PTPRN2: variants seen among roughly 807,000 people sequenced by gnomAD.
The protein encoded by PTPRN2 is protein tyrosine phosphatase receptor type N2.
In PTPRN2, 74 loss-of-function variants were observed where a neutral mutation model predicts 118.8. The observed-to-expected ratio is 0.62, with a 90% CI of 0.52 to 0.76. PTPRN2 has a LOEUF of 0.76. Among genes scored for constraint, PTPRN2 ranks in the 30% least tolerant of loss-of-function variants. PTPRN2 has a pLI of 0.00. For missense variants in PTPRN2, 1,481 were observed against 1,394.4 expected (o/e 1.06, Z -0.99); for synonymous variants, 641 against 608.0 (o/e 1.05, Z -0.80).
chr7:158,088,279 A>G (rs573243055), intron 10 of PTPRN2, among the ~76,000 whole-genome samples: 15 of 32,902 alleles, frequency 4.6e-4, no homozygotes, highest in East Asian at 9.8e-3. Context: ...CCCTGATGAA[A>G]GAGGGAGTCT....
At chr7:158,337,731 T>G (rs1805957614) in intron 2 of PTPRN2, among the ~76,000 whole-genome samples, 1 of 147,890 alleles carries the variant, frequency 6.8e-6, no homozygotes, top group Non-Finnish European at 1.5e-5. Context: ...CAGACGTCAC[T>G]CACAACCACA....
intron 3 of PTPRN2, among the ~76,000 whole-genome samples, chr7:158,232,037 A>G (rs565844708): frequency 1.6e-4 from 24 of 152,200 alleles, no homozygotes; most frequent in Non-Finnish European, 3.2e-4. Flanking sequence ...TAAACAACCT[A>G]ACCATGCACC....
chr7:158,356,304 C>A (rs529253535), intron 2 of PTPRN2, among the ~76,000 whole-genome samples: 2 of 152,280 alleles, frequency 1.3e-5, no homozygotes, highest in African/African-American at 4.8e-5. Context: ...TATAAAGCCC[C>A]ACTCAACTTA....
intron 11 of PTPRN2, among the ~76,000 whole-genome samples, chr7:157,989,887 A>G (rs1329551889): frequency 6.6e-6 from 1 of 151,718 alleles, no homozygotes; most frequent in Non-Finnish European, 1.5e-5. Context: ...CTGCCCCCGC[A>G]TCCCACCCCG....
Position 158,446,167 on chromosome 7 carries a change from C to T in PTPRN2, c.163+43568G>A, listed in dbSNP as rs74587339. 5.5e-3 allele frequency among the ~76,000 whole-genome samples: 841 copies of T among 152,296 alleles called. 9 individuals carry two copies. The highest frequency in any genetic ancestry group is 0.02 in the African/African-American group (816 of 41,554). ...GATTCCCAGCTCGCCCCAGGTCTTC[C>T]TGGGCACATTCTGTCCTTGCAAACC... On this transcript the variant is annotated intron_variant, in intron 2 of 22. Coordinates refer to ENST00000389418, the MANE Select transcript of PTPRN2 (RefSeq NM_002847.5).
At chr7:157,592,900 T>C (rs1299417501) in intron 17 of PTPRN2, among the ~76,000 whole-genome samples, 1 of 125,488 alleles carries the variant, frequency 8.0e-6, no homozygotes, top group African/African-American at 3.1e-5. Context: ...TGAGTGTGGA[T>C]GCCAAGAGGC....
rs896022819 is a variant in PTPRN2, at chr7:157,903,252, G to A, written c.1724-4515C>T. ...CCATAGAGATGGGAACAACAGACACGTAAGAGGGAATGTGAGAGGGAATGT... is the reference window on the plus strand; with the variant it reads ...CCATAGAGATGGGAACAACAGACACATAAGAGGGAATGTGAGAGGGAATGT... On this transcript the variant is annotated intron_variant, in intron 11 of 22. Coordinates refer to ENST00000389418, the MANE Select transcript of PTPRN2 (RefSeq NM_002847.5). The surrounding 1 kb of genome is among the most constrained non-coding windows in gnomAD (Gnocchi z 4.2). 3.3e-5 allele frequency among the ~76,000 whole-genome samples: 5 copies of A among 152,032 alleles called. No homozygotes were observed. The highest frequency in any genetic ancestry group is 9.7e-5 in the African/African-American group (4 of 41,338).
At position 157,994,398 on chromosome 7, in the gene PTPRN2, G is replaced by A. The variant is rs575745324; in HGVS notation, c.1723+86900C>T. Among the ~76,000 whole-genome samples, 150 of 152,016 alleles carry A rather than the reference G, an allele frequency of 9.9e-4. 2 individuals are homozygous for A. Among genetic ancestry groups the A allele is most frequent in the Non-Finnish European group, 1.4e-3 (95 of 67,926 alleles). On this transcript the variant is annotated intron_variant, in intron 11 of 22. Transcript: ENST00000389418. ...GGAAGGGAATTTAGACAAGGACAGA[G>A]ACCAGGGAGCGAGAGGAAGATGCCT...
intron 2 of PTPRN2, among the ~76,000 whole-genome samples, chr7:158,355,619 G>A (rs10279002): frequency 0.01 from 1,554 of 152,324 alleles, 28 homozygotes; most frequent in African/African-American, 0.035. Flanking sequence ...GGAGAAGCCC[G>A]CAGCAGTGCA....
intron 9 of PTPRN2, among the ~76,000 whole-genome samples, chr7:158,131,493 CACAA>C: frequency 6.6e-6 from 1 of 151,406 alleles, no homozygotes; most frequent in East Asian, 2.0e-4. Context: ...CACTTATACA[CACAA>C]ACCAATACAC....
intron 1 of PTPRN2, among the ~76,000 whole-genome samples, chr7:158,552,679 T>G (rs1463836402): frequency 2.0e-5 from 3 of 152,206 alleles, no homozygotes; most frequent in Admixed American, 6.5e-5. Context: ...ACTCCTGACC[T>G]CAAGCAATCT....
At chr7:158,127,284 GCCCTGCGTCCTCCTCTGCGTGCA>G (rs1019543279) in intron 9 of PTPRN2, among the ~76,000 whole-genome samples, 38 of 150,328 alleles carry the variant, frequency 2.5e-4, no homozygotes, top group Non-Finnish European at 4.3e-4. Context: ...GTGCACCTGT[GCCCTGCGTCCTCCTCTGCGTGCA>G]CCCTGCGTCC....
chr7:157,661,410 C>G (rs569384592), intron 13 of PTPRN2, among the ~76,000 whole-genome samples: 6 of 152,258 alleles, frequency 3.9e-5, no homozygotes, highest in Non-Finnish European at 8.8e-5. Flanking sequence ...CAAGGCAACG[C>G]GCGGCCGGGG....
intron 10 of PTPRN2, among the ~76,000 whole-genome samples, chr7:158,098,794 C>G (rs112215908): frequency 0.02 from 3,059 of 151,950 alleles, 111 homozygotes; most frequent in African/African-American, 0.07. Flanking sequence ...GCGTGACCAC[C>G]GAGGAGCTGG....
chr7:158,546,869 G>T lies in PTPRN2; in HGVS notation c.112+40689C>A, dbSNP rs1422047588. 1.3e-5 allele frequency among the ~76,000 whole-genome samples: 2 copies of T among 152,216 alleles called. No homozygotes were observed. The highest frequency in any genetic ancestry group is 2.9e-5 in the Non-Finnish European group (2 of 68,036). Reference sequence around the variant, plus strand: ...GGCTCAGCTTATGGTTAACGCTGGGGCTGCCTTCATCTCACGCATGCTGGG... The same window carrying T: ...GGCTCAGCTTATGGTTAACGCTGGGTCTGCCTTCATCTCACGCATGCTGGG... On this transcript the variant is annotated intron_variant, in intron 1 of 22. Transcript: ENST00000389418. This position sits in a 1 kb window ranked among gnomAD's most constrained non-coding sequence, Gnocchi z 5.0.
chr7:158,549,102 C>CCAAG (rs1354894812), intron 1 of PTPRN2, among the ~76,000 whole-genome samples: 2 of 152,164 alleles, frequency 1.3e-5, no homozygotes, highest in African/African-American at 4.8e-5. Flanking sequence ...TTCTTGTCAT[C>CCAAG]CAAGGCGAGC....
At chr7:158,014,623 C>T (rs1271277262) in intron 11 of PTPRN2, among the ~76,000 whole-genome samples, 2 of 151,974 alleles carry the variant, frequency 1.3e-5, no homozygotes, top group Non-Finnish European at 2.9e-5. Flanking sequence ...CTCATCCATC[C>T]ACCCACCTAT....
chr7:157,834,725 T>C (rs1807816096), intron 12 of PTPRN2, among the ~76,000 whole-genome samples: 1 of 152,216 alleles, frequency 6.6e-6, no homozygotes, highest in African/African-American at 2.4e-5. Context: ...CAGCCTCCAG[T>C]GAGCCTGGAG....
chr7:158,149,069 T>A (rs1820579822), intron 6 of PTPRN2, among the ~76,000 whole-genome samples: 1 of 140,216 alleles, frequency 7.1e-6, no homozygotes, highest in Non-Finnish European at 1.6e-5. Flanking sequence ...ATGCCACGTG[T>A]CATTCCCCCT....
Sources: gnomAD v4.1 joint callset for allele counts (sites outside exome capture counted in the v4.1 genomes callset) on GRCh38, gnomAD v4.1.1 for gene constraint, Gnocchi (gnomAD v3.1) non-coding constraint, MANE v1.5 for transcripts, NCBI Gene and HGNC (gene_info 2026-07-23, HGNC 2026-07-21) for gene names.